The following CLIP1 variants were observed in gnomAD, a reference collection of about 807,000 sequenced individuals.
The protein encoded by CLIP1 is CAP-Gly domain-containing linker protein 1.
Under a neutral mutation model 161.6 loss-of-function variants are expected in CLIP1, and 66 were observed. That is an observed-to-expected ratio of 0.41 (90% CI 0.33 to 0.50). The LOEUF (loss-of-function observed/expected upper bound fraction) is 0.50, where lower values mean the gene tolerates loss of function less well. CLIP1 is among the 20% of genes least tolerant of loss of function. The probability of loss-of-function intolerance (pLI) is 0.27; values close to 1 mark genes in which losing one functional copy is unlikely to be tolerated. For synonymous variants in CLIP1, 598 were observed against 626.2 expected (o/e 0.96, Z 0.67); for missense variants, 1,376 against 1,702.0 (o/e 0.81, Z 3.37).
intron 21 of CLIP1, among the ~76,000 whole-genome samples, chr12:122,281,252 G>A (rs183013196): frequency 2.7e-4 from 41 of 152,274 alleles, no homozygotes; most frequent in African/African-American, 7.9e-4. Context: ...GCATCAGTGC[G>A]GGTAAATTAC....
At chr12:122,348,058 G>C (rs931916510) in intron 9 of CLIP1, among the ~76,000 whole-genome samples, 1 of 152,066 alleles carries the variant, frequency 6.6e-6, no homozygotes, top group African/African-American at 2.4e-5. Context: ...TCAGTAGAAG[G>C]AATCTATTCC....
At chr12:122,304,288 C>A (rs995938161) in intron 20 of CLIP1, among the ~76,000 whole-genome samples, 1 of 152,212 alleles carries the variant, frequency 6.6e-6, no homozygotes, top group South Asian at 2.1e-4. Flanking sequence ...TGCTGTTCAC[C>A]GTCCTTTCCA....
At chr12:122,382,731 T>TA (rs1448702051) in intron 1 of CLIP1, among the ~76,000 whole-genome samples, 1 of 151,386 alleles carries the variant, frequency 6.6e-6, no homozygotes, top group African/African-American at 2.4e-5. Flanking sequence ...AATAAATAAA[T>TA]AAGTGTGGTT....
At chr12:122,329,429 G>C (rs1951847068) in intron 15 of CLIP1, among the ~76,000 whole-genome samples, 1 of 152,026 alleles carries the variant, frequency 6.6e-6, no homozygotes, top group South Asian at 2.1e-4. Context: ...AGGAGATTAA[G>C]ACCATCCTGG....
intron 1 of CLIP1, among the ~76,000 whole-genome samples, chr12:122,413,508 A>C (rs1362813876): frequency 6.6e-6 from 1 of 152,216 alleles, no homozygotes; most frequent in Non-Finnish European, 1.5e-5. Flanking sequence ...GGATCTATCC[A>C]AATCATACTT....
At chr12:122,382,087 C>T (rs1470825264) in intron 1 of CLIP1, among the ~76,000 whole-genome samples, 2 of 152,018 alleles carry the variant, frequency 1.3e-5, no homozygotes, top group African/African-American at 2.4e-5. Context: ...TATGGCCGGG[C>T]GTGGTGGCTC....
intron 21 of CLIP1, among the ~76,000 whole-genome samples, chr12:122,286,334 TG>T (rs1955851190): frequency 6.6e-6 from 1 of 150,532 alleles, no homozygotes; most frequent in South Asian, 2.1e-4. Flanking sequence ...CTGGCCAAGA[TG>T]GTGAAACCCT....
intron 20 of CLIP1, among the ~76,000 whole-genome samples, chr12:122,293,930 G>A (rs115073558): frequency 0.012 from 1,815 of 150,916 alleles, 47 homozygotes; most frequent in African/African-American, 0.042. Context: ...TCAGCCTCCC[G>A]GAGAATTTCT....
chr12:122,334,832 C>A, intron 12 of CLIP1, 127 bp from the exon 13 acceptor site: 1 of 657,168 alleles, frequency 1.5e-6, no homozygotes. Flanking sequence ...AAAACTAATA[C>A]ACCTCAAACA....
In CLIP1 at chr12:122,340,762, T is replaced by C. The variant is rs570481841; in HGVS notation, c.2442A>G (p.Glu814=). 1.3e-6 allele frequency: 2 copies of C among 1,576,900 alleles called. No individual in the cohort carries two copies. Among genetic ancestry groups the C allele is most frequent in the Middle Eastern group, 1.7e-4 (1 of 5,788 alleles). The change falls in exon 11 of 26, where the codon GAA becomes GAG. Residue 814 remains glutamate, a synonymous_variant. Coordinates refer to ENST00000620786, the MANE Select transcript of CLIP1 (RefSeq NM_001247997.2). Reference sequence around the variant, plus strand: ...GGATGTCAATACAAACCTTGCTACTTTCAGCATTCTTTTCAATCTCTAAAT... The same window carrying C: ...GGATGTCAATACAAACCTTGCTACTCTCAGCATTCTTTTCAATCTCTAAAT... ...IKHLEIEKNA[E]SSKASSITRE... is the part of the protein sequence containing the mutation.
At chr12:122,398,393 C>T (rs1956010707) in intron 1 of CLIP1, among the ~76,000 whole-genome samples, 1 of 150,572 alleles carries the variant, frequency 6.6e-6, no homozygotes, top group Non-Finnish European at 1.5e-5. Context: ...CCACTGCACT[C>T]CAGCCTGGGC....
At chr12:122,346,247 G>A (rs577462319) in intron 10 of CLIP1, among the ~76,000 whole-genome samples, 152 of 152,230 alleles carry the variant, frequency 1.0e-3, no homozygotes, top group African/African-American at 3.6e-3. Context: ...ACTTCTCTGC[G>A]CCTCAGTGTT....
intron 1 of CLIP1, among the ~76,000 whole-genome samples, chr12:122,397,432 C>G (rs1452104926): frequency 2.0e-5 from 3 of 149,136 alleles, no homozygotes; most frequent in Non-Finnish European, 4.5e-5. Flanking sequence ...AAACCTCTCT[C>G]TACAAAAAAA....
chr12:122,298,380 G>A (rs1037407274), intron 20 of CLIP1, among the ~76,000 whole-genome samples: 4 of 151,974 alleles, frequency 2.6e-5, no homozygotes, highest in Admixed American at 6.6e-5. Flanking sequence ...AGGCCGAGGC[G>A]GGTGGATCAC....
Position 122,380,601 on chromosome 12 carries a change from G to C in CLIP1, c.-106-43C>G. On this transcript the variant is annotated intron_variant, in intron 1 of 25. Transcript: ENST00000620786. ...TAAAAAGATTTTATAATCTACAGGA[G>C]CAAGTAGGAACAACAGGTAGCTTTC... 5 of 483,576 alleles carry C rather than the reference G, an allele frequency of 1.0e-5. No individual in the cohort carries two copies. The South Asian group carries it at 1.4e-4, about 14-fold the overall frequency. 30.0% of individuals were successfully genotyped at this position (483,576 alleles called of 1,614,324 possible). A position where few individuals can be genotyped will look rare whatever the true frequency, so the allele number is the denominator to read the frequency against.
chr12:122,283,504 G>C (rs1209583410), intron 21 of CLIP1, among the ~76,000 whole-genome samples: 7 of 149,864 alleles, frequency 4.7e-5, no homozygotes, highest in Non-Finnish European at 8.9e-5. Flanking sequence ...TGTTGCCCAG[G>C]CTGGAGTGCA....
intron 20 of CLIP1, among the ~76,000 whole-genome samples, chr12:122,303,939 A>G (rs1026676431): frequency 2.6e-5 from 4 of 152,218 alleles, no homozygotes; most frequent in African/African-American, 9.6e-5. Context: ...CACGCCTAGC[A>G]GAGCAGCAAG....
At chr12:122,392,929 A>G (rs1177558181) in intron 1 of CLIP1, among the ~76,000 whole-genome samples, 2 of 151,678 alleles carry the variant, frequency 1.3e-5, no homozygotes, top group African/African-American at 4.8e-5. Context: ...CTACAGGCAC[A>G]CACCACCACC....
At chr12:122,375,834 G>A (rs1456231942) in intron 3 of CLIP1, among the ~76,000 whole-genome samples, 4 of 144,652 alleles carry the variant, frequency 2.8e-5, no homozygotes, top group Non-Finnish European at 6.0e-5. Flanking sequence ...TTGAAACAGG[G>A]TCTTGCTGGA....
Sources: gnomAD v4.1 joint callset for allele counts (sites outside exome capture counted in the v4.1 genomes callset) on GRCh38, gnomAD v4.1.1 for gene constraint, MANE v1.5 for transcripts, NCBI Gene and HGNC (gene_info 2026-07-23, HGNC 2026-07-21) for gene names.